GPC6: variants seen among roughly 807,000 people sequenced by gnomAD.
The protein encoded by GPC6 is glypican-6.
Under a neutral mutation model 55.2 loss-of-function variants are expected in GPC6, and 14 were observed. That is an observed-to-expected ratio of 0.25 (90% CI 0.17 to 0.40). The LOEUF (loss-of-function observed/expected upper bound fraction) is 0.40, where lower values mean the gene tolerates loss of function less well. Ranked by LOEUF, GPC6 falls within the 10% of genes least tolerant of loss-of-function variation. The pLI is 1.00. For synonymous variants in GPC6, 278 were observed against 259.6 expected, an observed-to-expected ratio of 1.07 and a Z score of -0.68; for missense variants, 641 against 708.5, an observed-to-expected ratio of 0.90 and a Z score of 1.08.
intron 1 of GPC6, among the ~76,000 whole-genome samples, chr13:93,297,371 T>C (rs964079773): frequency 1.3e-5 from 2 of 152,160 alleles, no homozygotes; most frequent in Non-Finnish European, 2.9e-5. Context: ...GATGGGTTGA[T>C]AGATGCAGTA....
chr13:93,458,684 GT>G (rs1309468407), intron 1 of GPC6, among the ~76,000 whole-genome samples: 1 of 152,132 alleles, frequency 6.6e-6, no homozygotes, highest in African/African-American at 2.4e-5. Flanking sequence ...TATTTCTAAT[GT>G]TTCCAAAACA....
intron 6 of GPC6, among the ~76,000 whole-genome samples, chr13:94,328,123 C>T (rs1430980959): frequency 1.3e-5 from 2 of 152,098 alleles, no homozygotes; most frequent in African/African-American, 2.4e-5. Context: ...ATGTGGGACT[C>T]GGATCATTTA....
chr13:93,366,867 G>A (rs562958668), intron 1 of GPC6, among the ~76,000 whole-genome samples: 2 of 152,140 alleles, frequency 1.3e-5, no homozygotes, highest in Admixed American at 6.6e-5. Context: ...GGTAAGTCAA[G>A]CATTTATTCT....
chr13:93,398,435 T>C (rs2762112), intron 1 of GPC6, among the ~76,000 whole-genome samples: 103,317 of 151,908 alleles, frequency 0.68, 36,259 homozygotes, highest in Non-Finnish European at 0.77. Context: ...CAGAAATCAA[T>C]TGTGCAATAT....
At chr13:93,663,747 T>C (rs1594353177) in intron 2 of GPC6, among the ~76,000 whole-genome samples, 1 of 152,192 alleles carries the variant, frequency 6.6e-6, no homozygotes, top group Admixed American at 6.5e-5. Context: ...TTGTTTAAAA[T>C]GGGACAAGTC....
At chr13:94,037,214 C>T (rs907532741) in intron 4 of GPC6, among the ~76,000 whole-genome samples, 2 of 151,972 alleles carry the variant, frequency 1.3e-5, no homozygotes, top group Non-Finnish European at 2.9e-5. Context: ...TATGTCCATT[C>T]ATTAGCCAGC....
chr13:93,762,470 C>T (rs1884985794), intron 2 of GPC6, among the ~76,000 whole-genome samples: 1 of 152,072 alleles, frequency 6.6e-6, no homozygotes, highest in African/African-American at 2.4e-5. Context: ...AAGCAAGGTT[C>T]TAGGGATATA....
At chr13:93,574,184 C>T (rs1409955220) in intron 2 of GPC6, among the ~76,000 whole-genome samples, 3 of 152,094 alleles carry the variant, frequency 2.0e-5, no homozygotes, top group African/African-American at 4.8e-5. Flanking sequence ...ACCTGTAATA[C>T]CTCTCAGAAT....
chr13:94,288,882 AC>A, intron 5 of GPC6, among the ~76,000 whole-genome samples: 1 of 4,780 alleles, frequency 2.1e-4, no homozygotes, highest in African/African-American at 3.3e-4. Flanking sequence ...TATATATATA[AC>A]TAATATATAT....
At chr13:93,969,850 C>G (rs1880206897) in intron 3 of GPC6, among the ~76,000 whole-genome samples, 1 of 152,110 alleles carries the variant, frequency 6.6e-6, no homozygotes. Flanking sequence ...TGGCTTATTT[C>G]ACTTAACATA....
At chr13:94,304,430 T>G (rs1199780601) in intron 5 of GPC6, among the ~76,000 whole-genome samples, 1 of 152,202 alleles carries the variant, frequency 6.6e-6, no homozygotes, top group African/African-American at 2.4e-5. Flanking sequence ...AAATGGTTGT[T>G]TTAGAGTTAG....
intron 4 of GPC6, among the ~76,000 whole-genome samples, chr13:94,080,360 G>A (rs1885058754): frequency 6.6e-6 from 1 of 151,900 alleles, no homozygotes; most frequent in African/African-American, 2.4e-5. Context: ...ATTATATTTG[G>A]GTAAAAATTG....
chr13:94,000,259 A>G (rs1435431366), intron 3 of GPC6, among the ~76,000 whole-genome samples: 1 of 152,178 alleles, frequency 6.6e-6, no homozygotes, highest in East Asian at 1.9e-4. Flanking sequence ...CACCTGACAA[A>G]TACTTTGTAT....
intron 4 of GPC6, among the ~76,000 whole-genome samples, chr13:94,279,635 A>AT (rs1892315007): frequency 1.3e-5 from 2 of 152,008 alleles, no homozygotes; most frequent in Non-Finnish European, 2.9e-5. Flanking sequence ...AGATTCTCGT[A>AT]TGCTGTCTGT....
At chr13:93,467,259 CT>C (rs1367883332) in intron 1 of GPC6, among the ~76,000 whole-genome samples, 1 of 152,106 alleles carries the variant, frequency 6.6e-6, no homozygotes, top group Non-Finnish European at 1.5e-5. Context: ...GTCATGACCC[CT>C]GATTGGTAAT....
At position 93,792,106 on chromosome 13, in the gene GPC6, G is replaced by A. The variant is rs552633426; in HGVS notation, c.320-38048G>A. On this transcript the variant is annotated intron_variant, in intron 2 of 8. Coordinates refer to ENST00000377047, the MANE Select transcript of GPC6 (RefSeq NM_005708.5). The stretch of plus-strand genomic sequence containing the variant: ...GCCATTAGAAAAATTAACAGGAAAT[G>A]GAAATGCTATTGAACCTGCTTCCTC... Among the ~76,000 whole-genome samples, 9 of 152,310 alleles carry A rather than the reference G, an allele frequency of 5.9e-5. No homozygotes were observed. In the South Asian group the frequency reaches 8.3e-4, roughly 14 times the overall value.
chr13:93,326,258 G>A (rs764434780), intron 1 of GPC6, among the ~76,000 whole-genome samples: 15 of 152,152 alleles, frequency 9.9e-5, no homozygotes, highest in Non-Finnish European at 1.5e-5. Context: ...ACCATAGTGT[G>A]CATTGGACTA....
chr13:94,123,522 T>C (rs1886705482), intron 4 of GPC6, among the ~76,000 whole-genome samples: 1 of 152,134 alleles, frequency 6.6e-6, no homozygotes, highest in South Asian at 2.1e-4. Flanking sequence ...AGGCATCTTA[T>C]ATCTCTCTCT....
At chr13:94,068,166 C>A (rs925717089) in intron 4 of GPC6, among the ~76,000 whole-genome samples, 2 of 152,014 alleles carry the variant, frequency 1.3e-5, no homozygotes, top group South Asian at 2.1e-4. Context: ...GCTGGGGAGG[C>A]CTTACAGTCA....
Sources: allele counts gnomAD v4.1 joint callset (sites outside exome capture counted in the v4.1 genomes callset), GRCh38; gene constraint gnomAD v4.1.1; transcripts MANE v1.5; gene names NCBI Gene and HGNC (gene_info 2026-07-23, HGNC 2026-07-21).